Variants in SNTG1 observed in about 807,000 individuals in gnomAD.
SNTG1 encodes syntrophin gamma 1.
A neutral mutation model predicts 74.7 loss-of-function variants in SNTG1; 39 were observed. The observed-to-expected ratio is 0.52, with a 90% CI of 0.40 to 0.68. The LOEUF is 0.68. Ranked by LOEUF, SNTG1 falls within the 30% of genes least tolerant of loss-of-function variation. SNTG1 has a pLI of 0.00. For missense variants in SNTG1, 685 were observed against 609.5 expected, an observed-to-expected ratio of 1.12 and a Z score of -1.30; for synonymous variants, 254 against 217.1, an observed-to-expected ratio of 1.17 and a Z score of -1.49.
chr8:50,514,420 G>A (rs1031028586), intron 9 of SNTG1, among the ~76,000 whole-genome samples: 3 of 151,938 alleles, frequency 2.0e-5, no homozygotes, highest in African/African-American at 7.2e-5. Flanking sequence ...TGTATGTTGT[G>A]TTTCATTTTA....
chr8:50,340,539 A>G (rs2091287607), intron 2 of SNTG1, among the ~76,000 whole-genome samples: 1 of 152,002 alleles, frequency 6.6e-6, no homozygotes, highest in Non-Finnish European at 1.5e-5. Flanking sequence ...ATATAAATAC[A>G]TTTCTTACAA....
At chr8:49,978,792 T>C (rs1812413676) in intron 1 of SNTG1, among the ~76,000 whole-genome samples, 1 of 152,240 alleles carries the variant, frequency 6.6e-6, no homozygotes, top group Non-Finnish European at 1.5e-5. Flanking sequence ...GCAGGTTCTA[T>C]ATTTCTGTTC....
intron 18 of SNTG1, among the ~76,000 whole-genome samples, chr8:50,779,395 G>T (rs1239581748): frequency 2.0e-5 from 3 of 152,056 alleles, no homozygotes; most frequent in Non-Finnish European, 4.4e-5. Context: ...GTGGTTTGTA[G>T]TTCTCCTTGA....
intron 1 of SNTG1, among the ~76,000 whole-genome samples, chr8:50,010,302 C>G (rs958076152): frequency 5.9e-5 from 9 of 152,054 alleles, no homozygotes; most frequent in African/African-American, 2.2e-4. Flanking sequence ...GAGACCTTTC[C>G]TTGTCTCATT....
intron 1 of SNTG1, among the ~76,000 whole-genome samples, chr8:50,145,496 A>G (rs1231125795): frequency 6.6e-6 from 1 of 152,196 alleles, no homozygotes; most frequent in Non-Finnish European, 1.5e-5. Flanking sequence ...ATAGTCAAAG[A>G]AGAAGCCTAC....
At chr8:50,531,199 C>T (rs549893561) in intron 10 of SNTG1, among the ~76,000 whole-genome samples, 1 of 152,260 alleles carries the variant, frequency 6.6e-6, no homozygotes, top group South Asian at 2.1e-4. Context: ...GTACCTTAGG[C>T]CCTCAAGTTG....
chr8:50,242,567 T>C (rs566403416), intron 2 of SNTG1, among the ~76,000 whole-genome samples: 25 of 151,214 alleles, frequency 1.7e-4, no homozygotes, highest in African/African-American at 5.6e-4. Context: ...ATGTATTGTA[T>C]TTATTCTGTA....
At chr8:50,145,094 A>T (rs752851257) in intron 1 of SNTG1, among the ~76,000 whole-genome samples, 1 of 152,120 alleles carries the variant, frequency 6.6e-6, no homozygotes, top group Non-Finnish European at 1.5e-5. Context: ...TGCTTCAGGA[A>T]TGATGGCAAT....
intron 11 of SNTG1, among the ~76,000 whole-genome samples, chr8:50,551,001 T>C (rs1393775653): frequency 6.6e-6 from 1 of 152,112 alleles, no homozygotes; most frequent in Non-Finnish European, 1.5e-5. Flanking sequence ...CAAGGGAATA[T>C]TATACATAGA....
At chr8:50,514,718 T>C (rs2094116838) in intron 9 of SNTG1, among the ~76,000 whole-genome samples, 1 of 152,166 alleles carries the variant, frequency 6.6e-6, no homozygotes, top group African/African-American at 2.4e-5. Flanking sequence ...TTGAGTGAAG[T>C]GTTCTGTATA....
chr8:50,272,103 T>C (rs933568868), intron 2 of SNTG1, among the ~76,000 whole-genome samples: 1 of 152,152 alleles, frequency 6.6e-6, no homozygotes, highest in African/African-American at 2.4e-5. Context: ...TAAATTTCAA[T>C]TGTTTATCAG....
chr8:50,366,998 C>T (rs537278923), intron 2 of SNTG1, among the ~76,000 whole-genome samples: 21 of 149,976 alleles, frequency 1.4e-4, no homozygotes, highest in Non-Finnish European at 2.8e-4. Context: ...TTTAAGGAAT[C>T]ATCTGTTTTG....
intron 2 of SNTG1, among the ~76,000 whole-genome samples, chr8:50,220,468 C>A (rs1190700514): frequency 6.6e-6 from 1 of 152,092 alleles, no homozygotes. Flanking sequence ...GAAAGGAATA[C>A]ATGAGACTGG....
chr8:50,074,431 G>A (rs1258698980), intron 1 of SNTG1, among the ~76,000 whole-genome samples: 1 of 152,286 alleles, frequency 6.6e-6, no homozygotes, highest in Admixed American at 6.5e-5. Flanking sequence ...CAACTGTAGA[G>A]TTACTAACTT....
At chr8:50,662,166 G>T (rs1563711044) in intron 15 of SNTG1, among the ~76,000 whole-genome samples, 1 of 152,142 alleles carries the variant, frequency 6.6e-6, no homozygotes, top group Non-Finnish European at 1.5e-5. Flanking sequence ...CTCCTGCCAT[G>T]AGGTATCACT....
At chr8:50,167,936 A>G (rs1215856824) in intron 1 of SNTG1, among the ~76,000 whole-genome samples, 2 of 152,034 alleles carry the variant, frequency 1.3e-5, no homozygotes, top group Non-Finnish European at 2.9e-5. Context: ...GATTTTTTCT[A>G]ATAATTTAAA....
Position 50,578,648 on chromosome 8 carries a change from A to G in SNTG1, c.811-12231A>G, listed in dbSNP as rs559721174. ...GGGTAGTTACCCTCATGCTGTTCTC[A>G]TTATAGCGAGTGAGTTCTCACAAGA... is the stretch of plus-strand genomic sequence containing the variant. On this transcript the variant is annotated intron_variant, in intron 12 of 18. Transcript: ENST00000642720. 2.6e-5 allele frequency among the ~76,000 whole-genome samples: 4 copies of G among 152,268 alleles called. No individual in the cohort carries two copies. In the South Asian group the frequency reaches 6.2e-4, roughly 24 times the overall value.
intron 1 of SNTG1, among the ~76,000 whole-genome samples, chr8:50,067,159 C>T (rs1820967912): frequency 6.6e-6 from 1 of 152,128 alleles, no homozygotes; most frequent in Non-Finnish European, 1.5e-5. Context: ...AGTATTGCTG[C>T]TGTCTCTCTT....
intron 15 of SNTG1, among the ~76,000 whole-genome samples, chr8:50,667,520 T>C (rs922270106): frequency 6.6e-6 from 1 of 152,022 alleles, no homozygotes; most frequent in Non-Finnish European, 1.5e-5. Flanking sequence ...ATAGCAAGCA[T>C]AGTAACTCAG....
Sources: gnomAD v4.1 joint callset for allele counts (sites outside exome capture counted in the v4.1 genomes callset) on GRCh38, gnomAD v4.1.1 for gene constraint, MANE v1.5 for transcripts, NCBI Gene and HGNC (gene_info 2026-07-23, HGNC 2026-07-21) for gene names.